MYLK: variants seen among roughly 807,000 people sequenced by gnomAD.
The protein encoded by MYLK is myosin light chain kinase.
In MYLK, 106 loss-of-function variants were observed where a neutral mutation model predicts 203.4. The ratio of observed to expected loss-of-function variants is 0.52; its 90% confidence interval spans 0.45 to 0.61. The LOEUF (loss-of-function observed/expected upper bound fraction) is 0.61, where lower values mean the gene tolerates loss of function less well. Ranked by LOEUF, MYLK falls within the 20% of genes least tolerant of loss-of-function variation. The pLI, the probability that MYLK is intolerant of heterozygous loss-of-function variation, is 0.00. For missense variants in MYLK, 2,072 were observed against 2,442.3 expected, an observed-to-expected ratio of 0.85 and a Z score of 3.20; for synonymous variants, 867 against 959.5, an observed-to-expected ratio of 0.90 and a Z score of 1.78.
chr3:123,830,117 G>A (rs1040777102), intron 3 of MYLK, among the ~76,000 whole-genome samples: 6 of 152,206 alleles, frequency 3.9e-5, no homozygotes, highest in Non-Finnish European at 1.5e-5. Flanking sequence ...CTTTTGGCCA[G>A]GCAGATGTGT....
At chr3:123,824,976 C>T (rs541283583) in intron 3 of MYLK, among the ~76,000 whole-genome samples, 3 of 151,964 alleles carry the variant, frequency 2.0e-5, no homozygotes, top group South Asian at 4.2e-4. Context: ...CAGCAAGATC[C>T]CATCTCTACA....
chr3:123,787,604 T>A (rs1369723764), intron 4 of MYLK, among the ~76,000 whole-genome samples: 1 of 152,124 alleles, frequency 6.6e-6, no homozygotes, highest in Non-Finnish European at 1.5e-5. Context: ...AGGGGCAGTG[T>A]CATGCGGCAG....
At chr3:123,688,512 CCTCTGA>C (rs2060545243) in intron 19 of MYLK, among the ~76,000 whole-genome samples, 1 of 152,168 alleles carries the variant, frequency 6.6e-6, no homozygotes, top group Non-Finnish European at 1.5e-5. Context: ...CCCTGCTTTC[CCTCTGA>C]CTCATCCTGG....
chr3:123,801,908 T>C (rs2065210285), intron 3 of MYLK, among the ~76,000 whole-genome samples: 1 of 152,218 alleles, frequency 6.6e-6, no homozygotes, highest in Admixed American at 6.5e-5. Flanking sequence ...TGTGTCCTTA[T>C]GATAGAATGA....
rs751888783 is a variant in MYLK, at chr3:123,793,694, C to T, written c.148G>A (p.Ala50Thr). Residue 50 changes from alanine (A) to threonine (T), a missense_variant, in exon 4 of 34, where the codon GCC (alanine) becomes ACC (threonine). Transcript: ENST00000360304. Reference protein sequence around the residue: ...RNLCIKEGATAKFEGRVRGYP... With the variant: ...RNLCIKEGATTKFEGRVRGYP... ...CTTCTTACCCGCCCTTCGAACTTGG[C>T]GGTGGCTCCTTCTTTGATGCAGAGG... 5.6e-6 allele frequency: 9 copies of T among 1,613,960 alleles called. No individual in the cohort carries two copies. The highest frequency in any genetic ancestry group is 2.2e-5 in the East Asian group (1 of 44,886).
intron 2 of MYLK, among the ~76,000 whole-genome samples, chr3:123,853,032 A>G (rs1489186264): frequency 6.6e-6 from 1 of 152,150 alleles, no homozygotes; most frequent in Non-Finnish European, 1.5e-5. Flanking sequence ...AGGATTTAAG[A>G]AAGTGCCTAG....
intron 1 of MYLK, among the ~76,000 whole-genome samples, chr3:123,878,378 A>G (rs962334960): frequency 3.9e-5 from 6 of 152,338 alleles, no homozygotes; most frequent in Admixed American, 3.9e-4. Context: ...TGTTTCCCAC[A>G]GCCTCAGATG....
At chr3:123,637,061 A>C (rs998521386) in intron 29 of MYLK, among the ~76,000 whole-genome samples, 7 of 152,228 alleles carry the variant, frequency 4.6e-5, no homozygotes, top group Admixed American at 3.3e-4. Context: ...CAGGGGTCTA[A>C]GAAAGTATTC....
intron 4 of MYLK, among the ~76,000 whole-genome samples, chr3:123,766,698 G>C (rs2063716070): frequency 6.6e-6 from 1 of 152,254 alleles, no homozygotes. Context: ...CACATAAACA[G>C]CTCTTGCTGA....
At chr3:123,799,593 G>A (rs927966052) in intron 3 of MYLK, among the ~76,000 whole-genome samples, 1 of 152,208 alleles carries the variant, frequency 6.6e-6, no homozygotes, top group Non-Finnish European at 1.5e-5. Flanking sequence ...AGTCTACCGT[G>A]AACCCTACCT....
At chr3:123,784,981 C>T (rs2064455071) in intron 4 of MYLK, among the ~76,000 whole-genome samples, 1 of 152,228 alleles carries the variant, frequency 6.6e-6, no homozygotes, top group South Asian at 2.1e-4. Context: ...CTAACATCTA[C>T]AGCAGGAGCT....
intron 2 of MYLK, among the ~76,000 whole-genome samples, chr3:123,870,444 C>T (rs2148708823): frequency 6.6e-6 from 1 of 152,336 alleles, no homozygotes; most frequent in African/African-American, 2.4e-5. Context: ...TACCATATAC[C>T]TGACAGGAGA....
intron 11 of MYLK, among the ~76,000 whole-genome samples, chr3:123,728,645 G>A (rs965473327): frequency 6.6e-6 from 1 of 152,146 alleles, no homozygotes; most frequent in Admixed American, 6.5e-5. Context: ...AGAACAGCAA[G>A]CTATGTGCTT....
rs144235014 is a variant in MYLK at position 123,769,281 on chromosome 3, A to G, written c.166-16743T>C. Among the ~76,000 whole-genome samples the G allele has an allele frequency of 2.0e-5, 3 of 152,360 alleles. No individual in the cohort carries two copies. In the East Asian group the frequency reaches 5.8e-4, roughly 29 times the overall value. ...TCAACATCAAAATACTGGAACTCCAAGCATATTTGGATAACTTTACTGGAA... is the reference window on the plus strand; with the variant it reads ...TCAACATCAAAATACTGGAACTCCAGGCATATTTGGATAACTTTACTGGAA... On this transcript the variant is annotated intron_variant, in intron 4 of 33. Coordinates refer to ENST00000360304, the MANE Select transcript of MYLK (RefSeq NM_053025.4).
At chr3:123,798,116 T>C (rs1560231314) in intron 3 of MYLK, among the ~76,000 whole-genome samples, 1 of 152,340 alleles carries the variant, frequency 6.6e-6, no homozygotes, top group East Asian at 1.9e-4. Flanking sequence ...GCTGACATCA[T>C]GCTGGGCACC....
intron 4 of MYLK, among the ~76,000 whole-genome samples, chr3:123,759,644 A>C (rs1475795941): frequency 1.3e-5 from 2 of 152,202 alleles, no homozygotes; most frequent in African/African-American, 4.8e-5. Context: ...ACTTGGTCTC[A>C]AACAATAGGC....
chr3:123,646,917 T>C (rs7651580), intron 27 of MYLK: 14,128 of 430,180 alleles, frequency 0.033, 897 homozygotes, highest in East Asian at 0.24. Context: ...AGGGATAGCT[T>C]TGGCCCTTTC....
chr3:123,823,747 C>T (rs548056005), intron 3 of MYLK, among the ~76,000 whole-genome samples: 2 of 152,296 alleles, frequency 1.3e-5, no homozygotes, highest in South Asian at 4.2e-4. Flanking sequence ...AAACCCCTTA[C>T]CATGGCCTAC....
rs202229368 is a variant in MYLK at position 123,629,466 on chromosome 3, C to T, written c.5114+8G>A. 658 of 1,614,080 alleles carry T rather than the reference C, an allele frequency of 4.1e-4. 1 individual carries two copies. The highest frequency in any genetic ancestry group is 5.0e-4 in the Non-Finnish European group (589 of 1,180,032). On this transcript the variant is annotated splice_region_variant and intron_variant, in intron 30 of 33. Transcript: ENST00000360304. This position sits in a 1 kb window ranked among gnomAD's most constrained non-coding sequence, Gnocchi z 4.4. ...AGGGAAGCAAAGACTGAAATCCCAA[C>T]TCATTACTTCATATCTTTCTTCAGC...
Sources: allele counts gnomAD v4.1 joint callset (sites outside exome capture counted in the v4.1 genomes callset), GRCh38; gene constraint gnomAD v4.1.1; non-coding constraint Gnocchi (gnomAD v3.1); transcripts MANE v1.5; gene names NCBI Gene and HGNC (gene_info 2026-07-23, HGNC 2026-07-21).